DPPA4: variants seen among roughly 807,000 people sequenced by gnomAD.
DPPA4 encodes developmental pluripotency-associated protein 4.
DPPA4 carries 22 observed loss-of-function variants against 33.7 expected under a neutral mutation model. That is an observed-to-expected ratio of 0.65 (90% CI 0.47 to 0.93). The LOEUF is 0.93. DPPA4 is among the 40% of genes least tolerant of loss of function. The pLI is 0.00. For synonymous variants in DPPA4, 156 were observed against 132.3 expected (o/e 1.18, Z -1.23); for missense variants, 340 against 358.6 (o/e 0.95, Z 0.42).
intron 4 of DPPA4, among the ~76,000 whole-genome samples, 181 bp downstream of exon 4, chr3:109,331,543 CAAAAAAAAAA>C (rs62827961): frequency 1.4e-4 from 10 of 71,472 alleles, no homozygotes; most frequent in Middle Eastern, 0.017. Context: ...GACTCTGTCT[CAAAAAAAAAA>C]AAAAAAAAAA....
intron 4 of DPPA4, 122 bp from the exon 5 acceptor site, chr3:109,330,934 T>G (rs1708057810): frequency 1.1e-6 from 1 of 938,428 alleles, no homozygotes; most frequent in Non-Finnish European, 1.6e-6. Flanking sequence ...AGAGATCTAT[T>G]GTACAAGTTG....
upstream of DPPA4, among the ~76,000 whole-genome samples, chr3:109,338,114 T>TGG (rs200120969): frequency 3.3e-5 from 5 of 152,086 alleles, no homozygotes; most frequent in Non-Finnish European, 5.9e-5. Context: ...AGAGGGCAAG[T>TGG]GGGGGGGTCT....
intron 3 of DPPA4, 25 bp from the exon 4 acceptor site, chr3:109,331,809 G>A: frequency 1.2e-6 from 2 of 1,613,648 alleles, no homozygotes; most frequent in Non-Finnish European, 1.7e-6. Flanking sequence ...AACTGAGTTA[G>A]TAAGGCAAAT....
In DPPA4 at chr3:109,337,526, AATGGC is replaced by A; in HGVS notation, c.-14_-10del. ...GCGGAGCCTCGCAACATGCTTCCAA[AATGGC>A]CCCTGCCCCAAGATTGCTATTTGCA... On this transcript the variant is annotated 5_prime_UTR_variant, in exon 1 of 7. Coordinates refer to ENST00000335658, the MANE Select transcript of DPPA4 (RefSeq NM_018189.4). 6.2e-7 allele frequency: 1 copy of A among 1,613,914 alleles called. No individual in the cohort carries two copies. The highest frequency in any genetic ancestry group is 8.5e-7 in the Non-Finnish European group (1 of 1,179,948).
In DPPA4 at chr3:109,326,903, T is replaced by C. The variant is rs1488941061; in HGVS notation, c.*1085A>G. On this transcript the variant is annotated 3_prime_UTR_variant, in exon 7 of 7. Coordinates refer to ENST00000335658, the MANE Select transcript of DPPA4 (RefSeq NM_018189.4). ...GAGTTAAGAACACTAACAATAAAAT[T>C]TGCATGCAATGAATATGGTTCTCTA... 1.3e-5 allele frequency: 2 copies of C among 152,116 alleles called. No individual in the cohort carries two copies. The highest frequency in any genetic ancestry group is 2.9e-5 in the Non-Finnish European group (2 of 68,018). 9.4% of individuals were successfully genotyped at this position (152,116 alleles called of 1,614,324 possible). A position where few individuals can be genotyped will look rare whatever the true frequency, so the allele number is the denominator to read the frequency against.
upstream of DPPA4, among the ~76,000 whole-genome samples, chr3:109,338,780 T>C (rs1040405190): frequency 2.0e-5 from 3 of 152,234 alleles, no homozygotes; most frequent in African/African-American, 7.2e-5. Flanking sequence ...GATTTAACAA[T>C]TCTTTACCAC....
In DPPA4 at chr3:109,333,918, TTCC is replaced by T. The variant is rs1230038195; in HGVS notation, c.127_129del (p.Gly43del). 1 of 1,614,038 alleles carries T rather than the reference TTCC, an allele frequency of 6.2e-7. No individual in the cohort carries two copies. The highest frequency in any genetic ancestry group is 8.5e-7 in the Non-Finnish European group (1 of 1,179,990). On this transcript the variant is annotated inframe_deletion, in exon 2 of 7. Transcript: ENST00000335658. Reference sequence around the variant, plus strand: ...TTTTCTTTGGTTCTCTTTGCTGATGTTCCTGGCAAAGCAATTGAATTTGGTTGA... The same window carrying T: ...TTTTCTTTGGTTCTCTTTGCTGATGTTGGCAAAGCAATTGAATTTGGTTGA...
chr3:109,330,707 G>C lies in DPPA4; in HGVS notation c.496C>G (p.Pro166Ala), dbSNP rs1048273008. The change falls in exon 5 of 7, where the codon CCT becomes GCT. Residue 166 changes from proline (P) to alanine (A), a missense_variant. By Grantham distance (27) the Pro-to-Ala change is conservative (BLOSUM62 -1). Transcript: ENST00000335658. The stretch of plus-strand genomic sequence containing the variant: ...CCCACAGGAGGAAGAGCCACTTCAG[G>C]AGGATGTGTCTCAGAACTTTGCAGG... Reference protein sequence around the residue: ...TSLQSSETHPPEVALPPVGEP... With the variant: ...TSLQSSETHPAEVALPPVGEP... 6.2e-7 allele frequency: 1 copy of C among 1,614,040 alleles called. No individual in the cohort carries two copies. The highest frequency in any genetic ancestry group is 1.3e-5 in the African/African-American group (1 of 74,930).
Position 109,326,350 on chromosome 3 carries a change from T to C in DPPA4, c.*1638A>G, listed in dbSNP as rs1707933980. 2 of 151,818 alleles carry C rather than the reference T, an allele frequency of 1.3e-5. No individual in the cohort carries two copies. Among genetic ancestry groups the C allele is most frequent in the African/African-American group, 4.9e-5 (2 of 41,192 alleles). The allele number at this position is 151,818 out of a possible 1,614,324, so 9.4% of individuals were successfully genotyped here. ...AAGGAAACAAAAGGAACAATACACA[T>C]AGTATAAGAAAAAATGTCTATTATT... On this transcript the variant is annotated 3_prime_UTR_variant, in exon 7 of 7. Coordinates refer to ENST00000335658, the MANE Select transcript of DPPA4 (RefSeq NM_018189.4).
At position 109,327,836 on chromosome 3, in the gene DPPA4, G is replaced by A. The variant is rs1008327831; in HGVS notation, c.*152C>T. 1 of 602,444 alleles carries A rather than the reference G, an allele frequency of 1.7e-6. No homozygotes were observed. Among genetic ancestry groups the A allele is most frequent in the Non-Finnish European group, 3.0e-6 (1 of 337,724 alleles). 37.3% of individuals were successfully genotyped at this position (602,444 alleles called of 1,614,324 possible). On this transcript the variant is annotated 3_prime_UTR_variant, in exon 7 of 7. Transcript: ENST00000335658. ...CTCACAAAGCAACAGGCACTGCTAG[G>A]GGTCTTAGGCTAACATCTGCCACCC...
At chr3:109,328,835 G>T in intron 6 of DPPA4, 55 bp downstream of exon 6, 1 of 1,494,596 alleles carries the variant, frequency 6.7e-7, no homozygotes, top group Non-Finnish European at 9.2e-7. Flanking sequence ...TTAACTTTCT[G>T]CAATTGAAAA....
Position 109,330,711 on chromosome 3 carries a change from ATG to A in DPPA4, c.490_491del (p.His164SerfsTer3). 4 of 1,614,148 alleles carry A rather than the reference ATG, an allele frequency of 2.5e-6. No homozygotes were observed. Among genetic ancestry groups the A allele is most frequent in the Non-Finnish European group, 3.4e-6 (4 of 1,180,014 alleles). On this transcript the variant is annotated frameshift_variant, in exon 5 of 7. Transcript: ENST00000335658. LOFTEE classifies it high-confidence loss of function. ...CAGGAGGAAGAGCCACTTCAGGAGG[ATG>A]TGTCTCAGAACTTTGCAGGGACGTT... ...GETSLQSSET[H>X]PPEVALPPVG...
Position 109,328,878 on chromosome 3 carries a change from T to C in DPPA4, c.878+12A>G. 5 of 1,603,864 alleles carry C rather than the reference T, an allele frequency of 3.1e-6. No homozygotes were observed. Among genetic ancestry groups the C allele is most frequent in the Non-Finnish European group, 3.4e-6 (4 of 1,173,164 alleles). The stretch of plus-strand genomic sequence containing the variant: ...CCCACTTTTAGTTTGTAGAAAAGCA[T>C]CAGGTAATTACCTGTGAACACATTT... On this transcript the variant is annotated intron_variant, in intron 6 of 6. Transcript: ENST00000335658.
chr3:109,337,839 A>T (rs73210837), upstream of DPPA4, among the ~76,000 whole-genome samples: 1 of 152,190 alleles, frequency 6.6e-6, no homozygotes, highest in East Asian at 1.9e-4. Flanking sequence ...AAAACAAAAA[A>T]CAAAAAAACA....
At chr3:109,330,022 C>G (rs138783459) in intron 5 of DPPA4, 170 of 174,436 alleles carry the variant, frequency 9.7e-4, no homozygotes, top group Middle Eastern at 5.8e-3. Context: ...CAAACTCTTG[C>G]CAGGTACGGT....
rs1707994719 is a variant in DPPA4 at position 109,328,956 on chromosome 3, A to G, written c.812T>C (p.Leu271Pro). ...QEGRVSALFL[L>P]PASNFPPPHL... Reference sequence around the variant, plus strand: ...CGGGGGTGGAAAATTGGAGGCAGGAAGCAAGAAGAGTGCACTCACTCTCCC... The same window carrying G: ...CGGGGGTGGAAAATTGGAGGCAGGAGGCAAGAAGAGTGCACTCACTCTCCC... Residue 271 changes from leucine (L) to proline (P), a missense_variant, in exon 6 of 7, where the codon CTT becomes CCT. This residue lies in a region of DPPA4 where 212 missense variants were observed against 206.5 expected (regional missense o/e 1.03). Coordinates refer to ENST00000335658, the MANE Select transcript of DPPA4 (RefSeq NM_018189.4). 1 of 1,614,078 alleles carries G rather than the reference A, an allele frequency of 6.2e-7. No individual in the cohort carries two copies. Among genetic ancestry groups the G allele is most frequent in the Non-Finnish European group, 8.5e-7 (1 of 1,180,000 alleles).
upstream of DPPA4, among the ~76,000 whole-genome samples, chr3:109,338,232 G>T (rs1708251400): frequency 6.6e-6 from 1 of 152,120 alleles, no homozygotes; most frequent in East Asian, 1.9e-4. Context: ...CCCCGCCCGA[G>T]TATTTTTTTA....
chr3:109,330,685 A>C lies in DPPA4; in HGVS notation c.518T>G (p.Val173Gly). ...THPPEVALPPVGEPPALENST... is the reference protein window; with the variant it reads ...THPPEVALPPGGEPPALENST... The stretch of plus-strand genomic sequence containing the variant: ...ATTTTCCAGGGCAGGCGGCTCCCCC[A>C]CAGGAGGAAGAGCCACTTCAGGAGG... The change falls in exon 5 of 7, where the codon GTG becomes GGG. Residue 173 changes from valine to glycine, a missense_variant. Transcript: ENST00000335658. 1 of 1,614,114 alleles carries C rather than the reference A, an allele frequency of 6.2e-7. No individual in the cohort carries two copies. The highest frequency in any genetic ancestry group is 8.5e-7 in the Non-Finnish European group (1 of 1,179,996).
Position 109,330,798 on chromosome 3 carries a change from T to A in DPPA4, c.405A>T (p.Thr135=). The A allele has an allele frequency of 1.9e-6, 3 of 1,606,504 alleles. No homozygotes were observed. The highest frequency in any genetic ancestry group is 2.5e-6 in the Non-Finnish European group (3 of 1,177,574). Reference sequence around the variant, plus strand: ...ATTTCCGGATTTTGGCCTCTTTTGCTGTGCTAGGAAAATCCTACAAAAAGG... The same window carrying A: ...ATTTCCGGATTTTGGCCTCTTTTGCAGTGCTAGGAAAATCCTACAAAAAGG... ...AYPNQKDFPS[T]AKEAKIRKSL... Residue 135 remains threonine, a synonymous_variant, in exon 5 of 7, where the codon ACA becomes ACT. Transcript: ENST00000335658.
Sources: allele counts gnomAD v4.1 joint callset (sites outside exome capture counted in the v4.1 genomes callset), GRCh38; gene constraint gnomAD v4.1.1; regional missense constraint gnomAD v4.1.1; transcripts MANE v1.5; gene names NCBI Gene and HGNC (gene_info 2026-07-23, HGNC 2026-07-21).